The following KCNN2 variants were observed in gnomAD, a reference collection of about 807,000 sequenced individuals.
The protein encoded by KCNN2 is small conductance calcium-activated potassium channel protein 2.
KCNN2 carries 24 observed loss-of-function variants against 55.5 expected under a neutral mutation model. That is an observed-to-expected ratio of 0.43 (90% confidence interval 0.31 to 0.61). The LOEUF (loss-of-function observed/expected upper bound fraction) is 0.61. Among genes scored for constraint, KCNN2 ranks in the 20% least tolerant of loss-of-function variants. The pLI, the probability that KCNN2 is intolerant of heterozygous loss-of-function variation, is 0.08. For synonymous variants in KCNN2, 431 were observed against 336.1 expected, an observed-to-expected ratio of 1.28 and a Z score of -3.09; for missense variants, 754 against 853.6, an observed-to-expected ratio of 0.88 and a Z score of 1.45.
intron 2 of KCNN2, among the ~76,000 whole-genome samples, chr5:114,235,022 T>C (rs1754463294): frequency 6.6e-6 from 1 of 152,206 alleles, no homozygotes; most frequent in African/African-American, 2.4e-5. Flanking sequence ...CAGTTATCCT[T>C]TCTGTGAACA....
At chr5:114,161,822 G>A (rs188501934) in intron 1 of KCNN2, among the ~76,000 whole-genome samples, 7 of 152,130 alleles carry the variant, frequency 4.6e-5, no homozygotes, top group Admixed American at 1.3e-4. Flanking sequence ...CATTCGTCAC[G>A]TGGTTCTCAT....
At chr5:114,430,002 A>G (rs1435550067) in intron 3 of KCNN2, among the ~76,000 whole-genome samples, 3 of 151,854 alleles carry the variant, frequency 2.0e-5, no homozygotes, top group East Asian at 1.9e-4. Flanking sequence ...TTTTTTCACT[A>G]TTAACACACT....
chr5:114,387,877 G>T (rs1435284833), intron 2 of KCNN2, among the ~76,000 whole-genome samples: 1 of 152,120 alleles, frequency 6.6e-6, no homozygotes, highest in Non-Finnish European at 1.5e-5. Flanking sequence ...CTCCCACTCA[G>T]ATATTATTTA....
intron 2 of KCNN2, among the ~76,000 whole-genome samples, chr5:114,312,424 C>T (rs867893330): frequency 1.8e-3 from 106 of 59,884 alleles, no homozygotes; most frequent in Non-Finnish European, 2.2e-3. Flanking sequence ...CACACACACA[C>T]ACACACACAC....
chr5:114,429,496 G>A (rs564920504), intron 3 of KCNN2, among the ~76,000 whole-genome samples: 3 of 152,070 alleles, frequency 2.0e-5, no homozygotes, highest in East Asian at 1.9e-4. Flanking sequence ...TCTAAATCGG[G>A]TTGTTCATTT....
At chr5:114,310,427 A>G (rs1014638462) in intron 2 of KCNN2, among the ~76,000 whole-genome samples, 3 of 152,240 alleles carry the variant, frequency 2.0e-5, no homozygotes, top group African/African-American at 7.2e-5. Context: ...GAAAAAAATT[A>G]AACACATTAA....
At chr5:114,421,226 C>CAAA (rs5870608) in intron 3 of KCNN2, among the ~76,000 whole-genome samples, 2 of 146,190 alleles carry the variant, frequency 1.4e-5, no homozygotes, top group African/African-American at 5.0e-5. Context: ...TGAAATTTTA[C>CAAA]AAAAAAAAAA....
At chr5:114,465,453 A>AAATACAGAATT (rs1418320244) in intron 4 of KCNN2, among the ~76,000 whole-genome samples, 1 of 152,104 alleles carries the variant, frequency 6.6e-6, no homozygotes, top group Admixed American at 6.5e-5. Context: ...TCTCTACTAA[A>AAATACAGAATT]AATACAGAAT....
intron 5 of KCNN2, among the ~76,000 whole-genome samples, chr5:114,483,127 C>A (rs2150133828): frequency 6.6e-6 from 1 of 151,590 alleles, no homozygotes; most frequent in Admixed American, 6.6e-5. Context: ...TATTTTGTAT[C>A]TTACTACCCA....
chr5:114,358,179 C>T (rs899954501), upstream of KCNN2, among the ~76,000 whole-genome samples: 1 of 151,824 alleles, frequency 6.6e-6, no homozygotes, highest in Non-Finnish European at 1.5e-5. Context: ...AGGCAACCTA[C>T]GAAATGGGAG....
At chr5:114,139,701 A>G (rs1752238274) in intron 1 of KCNN2, among the ~76,000 whole-genome samples, 1 of 151,748 alleles carries the variant, frequency 6.6e-6, no homozygotes, top group Non-Finnish European at 1.5e-5. Flanking sequence ...AAATATTCAC[A>G]TATACACTTG....
intron 1 of KCNN2, among the ~76,000 whole-genome samples, chr5:114,185,471 G>A (rs934859203): frequency 1.3e-5 from 2 of 152,218 alleles, no homozygotes; most frequent in Non-Finnish European, 2.9e-5. Context: ...GCAGCAGGGA[G>A]GAGCCCGGCC....
At chr5:114,297,791 T>C (rs1199247729) in intron 2 of KCNN2, among the ~76,000 whole-genome samples, 1 of 152,152 alleles carries the variant, frequency 6.6e-6, no homozygotes, top group Non-Finnish European at 1.5e-5. Flanking sequence ...TTTAATAACA[T>C]GAAAAATATT....
At chr5:114,156,673 C>T (rs999248565) in intron 1 of KCNN2, among the ~76,000 whole-genome samples, 4 of 151,970 alleles carry the variant, frequency 2.6e-5, no homozygotes, top group African/African-American at 9.7e-5. Flanking sequence ...CATGATTTGG[C>T]TCTTGGCTTG....
chr5:114,201,305 A>AATC (rs1753669198), intron 1 of KCNN2, among the ~76,000 whole-genome samples: 2 of 152,026 alleles, frequency 1.3e-5, no homozygotes, highest in South Asian at 4.2e-4. Context: ...TAATAATAAT[A>AATC]ATAATGATAA....
intron 2 of KCNN2, among the ~76,000 whole-genome samples, chr5:114,292,739 A>AT (rs1343387669): frequency 1.3e-5 from 2 of 152,194 alleles, no homozygotes; most frequent in African/African-American, 4.8e-5. Context: ...AAAGTCATTG[A>AT]TAGCTTGATG....
chr5:114,111,736 A>G (rs146646612), intron 1 of KCNN2, among the ~76,000 whole-genome samples: 280 of 152,342 alleles, frequency 1.8e-3, no homozygotes, highest in African/African-American at 6.5e-3. Flanking sequence ...AATGCTTATC[A>G]TCACTGGTCA....
intron 1 of KCNN2, among the ~76,000 whole-genome samples, chr5:114,162,317 G>C (rs970055242): frequency 6.6e-6 from 1 of 152,106 alleles, no homozygotes; most frequent in Non-Finnish European, 1.5e-5. Context: ...CAGAACAGCG[G>C]ATATCGGTGA....
In KCNN2 at chr5:114,362,580, C is replaced by T; in HGVS notation, c.441C>T (p.Ser147=). 4.3e-6 allele frequency: 3 copies of T among 700,652 alleles called. No individual in the cohort carries two copies. Among genetic ancestry groups the T allele is most frequent in the African/African-American group, 1.9e-5 (1 of 52,754 alleles). 43.4% of individuals were successfully genotyped at this position (700,652 alleles called of 1,614,324 possible). A position where few individuals can be genotyped will look rare whatever the true frequency, so the allele number is the denominator to read the frequency against. Residue 147 remains serine (S), a synonymous_variant, in exon 1 of 8, where the codon TCC becomes TCT. Transcript: ENST00000673685. ...TCCGGCAGCAGTACGCGCAGCAGTCCGCGCAGCAGTCGGCGTCCGCCTCCC... is the reference window on the plus strand; with the variant it reads ...TCCGGCAGCAGTACGCGCAGCAGTCTGCGCAGCAGTCGGCGTCCGCCTCCC... ...SALRQQYAQQ[S]AQQSASASQY... is the part of the protein sequence containing the mutation.
Sources: allele counts gnomAD v4.1 joint callset (sites outside exome capture counted in the v4.1 genomes callset), GRCh38; gene constraint gnomAD v4.1.1; transcripts MANE v1.5; gene names NCBI Gene and HGNC (gene_info 2026-07-23, HGNC 2026-07-21).